Variants in USO1 observed in about 807,000 individuals in gnomAD.
The protein encoded by USO1 is general vesicular transport factor p115.
A neutral mutation model predicts 124.5 loss-of-function variants in USO1; 57 were observed. That is an observed-to-expected ratio of 0.46 (90% CI 0.37 to 0.57). The LOEUF is 0.57. Ranked by LOEUF, USO1 falls within the 20% of genes least tolerant of loss-of-function variation. USO1 has a pLI of 0.00. For missense variants in USO1, 900 were observed against 1,040.6 expected (o/e 0.86, Z 1.86); for synonymous variants, 369 against 362.8 (o/e 1.02, Z -0.19).
At chr4:75,761,639 T>C (rs545455239) in intron 4 of USO1, among the ~76,000 whole-genome samples, 1 of 152,314 alleles carries the variant, frequency 6.6e-6, no homozygotes, top group East Asian at 1.9e-4. Context: ...TTTTCTTCTC[T>C]CTAATCTCTT....
chr4:75,794,965 A>C (rs777533284), intron 13 of USO1, among the ~76,000 whole-genome samples: 18 of 152,192 alleles, frequency 1.2e-4, no homozygotes, highest in Non-Finnish European at 2.4e-4. Flanking sequence ...TCATGTTGCT[A>C]TCTGTTAACA....
intron 1 of USO1, among the ~76,000 whole-genome samples, chr4:75,728,598 G>C (rs1209792010): frequency 6.6e-6 from 1 of 152,146 alleles, no homozygotes; most frequent in Non-Finnish European, 1.5e-5. Context: ...ACCACTGAGT[G>C]GTTAAGATTG....
intron 20 of USO1, among the ~76,000 whole-genome samples, chr4:75,806,879 A>G (rs953980858): frequency 3.3e-5 from 5 of 152,178 alleles, no homozygotes; most frequent in Non-Finnish European, 4.4e-5. Context: ...TGAAAATGTA[A>G]AATCTTATGC....
intron 16 of USO1, 65 bp downstream of exon 16, chr4:75,800,864 T>G: frequency 6.5e-7 from 1 of 1,538,486 alleles, no homozygotes; most frequent in Non-Finnish European, 8.8e-7. Context: ...TACATGTATA[T>G]TCTGGATGCA....
chr4:75,767,055 G>GT (rs1355715992), intron 4 of USO1, among the ~76,000 whole-genome samples: 7 of 152,178 alleles, frequency 4.6e-5, no homozygotes, highest in African/African-American at 1.7e-4. Flanking sequence ...TTGTTTGTCA[G>GT]TCTGCGAAGT....
chr4:75,782,419 G>A (rs1430730172), intron 8 of USO1, among the ~76,000 whole-genome samples: 1 of 152,198 alleles, frequency 6.6e-6, no homozygotes, highest in Non-Finnish European at 1.5e-5. Context: ...AAGAAATGAT[G>A]TTTAAGCTGG....
chr4:75,792,605 G>A (rs1049303935), intron 12 of USO1, among the ~76,000 whole-genome samples: 2 of 152,016 alleles, frequency 1.3e-5, no homozygotes, highest in Non-Finnish European at 2.9e-5. Context: ...GCTGAGGTGC[G>A]AGAATCACCT....
At position 75,783,546 on chromosome 4, in the gene USO1, TCTCCTTACTTATGAA is replaced by T. The variant is rs576870581; in HGVS notation, c.855+692_855+706del. On this transcript the variant is annotated intron_variant, in intron 9 of 23. Transcript: ENST00000514213. ...CTCCAAACTGTTAAGTTTATACTAG[TCTCCTTACTTATGAA>T]CTCATAATTCTTGTGGGCCTTTGAA... Among the ~76,000 whole-genome samples the T allele has an allele frequency of 7.2e-5, 11 of 152,304 alleles. No homozygotes were observed. In the East Asian group the frequency reaches 2.1e-3, roughly 29 times the overall value.
At chr4:75,769,508 C>T (rs1684912165) in intron 4 of USO1, among the ~76,000 whole-genome samples, 1 of 151,898 alleles carries the variant, frequency 6.6e-6, no homozygotes, top group African/African-American at 2.4e-5. Flanking sequence ...AAAGAATTTT[C>T]TGAGGGATAA....
intron 1 of USO1, among the ~76,000 whole-genome samples, chr4:75,733,270 TAAAA>T (rs1223252842): frequency 2.0e-5 from 3 of 151,516 alleles, no homozygotes. Flanking sequence ...AAAAAAAAAT[TAAAA>T]AAAATAAATT....
At chr4:75,738,904 G>A (rs1388811288) in intron 1 of USO1, among the ~76,000 whole-genome samples, 1 of 152,050 alleles carries the variant, frequency 6.6e-6, no homozygotes, top group Admixed American at 6.6e-5. Flanking sequence ...CCAGGCTGGA[G>A]TGCAATGGTG....
chr4:75,780,366 A>G (rs1722183782), intron 8 of USO1, among the ~76,000 whole-genome samples: 1 of 151,722 alleles, frequency 6.6e-6, no homozygotes, highest in African/African-American at 2.4e-5. Context: ...TCCTAGGTTC[A>G]AGCAATTCTC....
At chr4:75,771,927 A>G (rs1410040719) in intron 7 of USO1, among the ~76,000 whole-genome samples, 1 of 152,218 alleles carries the variant, frequency 6.6e-6, no homozygotes, top group Non-Finnish European at 1.5e-5. Flanking sequence ...TTAAATCTCC[A>G]TATTTATAGT....
chr4:75,745,001 CT>C, intron 1 of USO1: 2 of 424,864 alleles, frequency 4.7e-6, no homozygotes, highest in Admixed American at 5.9e-5. Flanking sequence ...AAATTTAGGT[CT>C]TTCCGTTATT....
intron 1 of USO1, among the ~76,000 whole-genome samples, chr4:75,725,427 A>G (rs987502941): frequency 3.3e-5 from 5 of 152,218 alleles, no homozygotes; most frequent in African/African-American, 1.2e-4. Flanking sequence ...CTCCTGTCCC[A>G]TCAACTGGAA....
intron 9 of USO1, among the ~76,000 whole-genome samples, chr4:75,784,376 T>A (rs1186563139): frequency 6.6e-6 from 1 of 152,136 alleles, no homozygotes; most frequent in Admixed American, 6.6e-5. Context: ...AAAATGTGAT[T>A]AGAGAGGGTG....
intron 8 of USO1, among the ~76,000 whole-genome samples, chr4:75,776,070 G>A (rs1484702255): frequency 2.0e-5 from 3 of 152,156 alleles, no homozygotes; most frequent in Non-Finnish European, 2.9e-5. Flanking sequence ...GATGTTTTCC[G>A]TGGACAAAGG....
chr4:75,805,311 A>G lies in USO1; in HGVS notation c.2289+8A>G, dbSNP rs766526625. On this transcript the variant is annotated splice_region_variant and intron_variant, in intron 19 of 23. Coordinates refer to ENST00000514213, the MANE Select transcript of USO1 (RefSeq NM_003715.4). ...TCTATGATTGAAAATATGGTAAAGT[A>G]AATGTTTAAGAAGTTAAAATAAGAG... The G allele has an allele frequency of 2.6e-5, 41 of 1,581,350 alleles. 1 individual carries two copies. The South Asian group carries it at 4.7e-4, about 18-fold the overall frequency.
At chr4:75,801,646 A>G (rs1722854068) in intron 17 of USO1, among the ~76,000 whole-genome samples, 1 of 152,244 alleles carries the variant, frequency 6.6e-6, no homozygotes, top group Non-Finnish European at 1.5e-5. Context: ...AAAAAATACA[A>G]TAGTGGCAGA....
Sources: gnomAD v4.1 joint callset for allele counts (sites outside exome capture counted in the v4.1 genomes callset) on GRCh38, gnomAD v4.1.1 for gene constraint, MANE v1.5 for transcripts, NCBI Gene and HGNC (gene_info 2026-07-23, HGNC 2026-07-21) for gene names.